CSMD1: variants seen among roughly 807,000 people sequenced by gnomAD.
The protein encoded by CSMD1 is CUB and sushi domain-containing protein 1.
CSMD1 carries 213 observed loss-of-function variants against 417.5 expected under a neutral mutation model. The ratio of observed to expected loss-of-function variants is 0.51; its 90% confidence interval spans 0.46 to 0.57. The LOEUF (loss-of-function observed/expected upper bound fraction) is 0.57. Among genes scored for constraint, CSMD1 ranks in the 20% least tolerant of loss-of-function variants. The pLI is 0.00. For synonymous variants in CSMD1, 2,862 were observed against 1,736.8 expected, an observed-to-expected ratio of 1.65 and a Z score of -16.11; for missense variants, 6,923 against 4,529.7, an observed-to-expected ratio of 1.53 and a Z score of -15.17.
intron 3 of CSMD1, among the ~76,000 whole-genome samples, chr8:4,068,647 G>A (rs1165844866): frequency 6.6e-6 from 1 of 152,032 alleles, no homozygotes; most frequent in Non-Finnish European, 1.5e-5. Flanking sequence ...GGAACTGTGA[G>A]TTTAAGATAA....
intron 10 of CSMD1, among the ~76,000 whole-genome samples, chr8:3,546,776 T>G (rs937929504): frequency 2.0e-5 from 3 of 152,180 alleles, no homozygotes; most frequent in African/African-American, 7.2e-5. Flanking sequence ...TGACATGAAC[T>G]TTTTGAACAG....
chr8:4,708,678 T>A (rs968442396), intron 1 of CSMD1, among the ~76,000 whole-genome samples: 3 of 152,174 alleles, frequency 2.0e-5, no homozygotes, highest in Admixed American at 6.5e-5. Context: ...AGATTCATTT[T>A]TTTTTTTAAG....
At chr8:3,694,505 G>C (rs2624059) in intron 7 of CSMD1, among the ~76,000 whole-genome samples, 126,758 of 151,952 alleles carry the variant, frequency 0.83, 53,065 homozygotes, top group East Asian at 0.99. Flanking sequence ...CATGTGCATA[G>C]AGACAGTCTT....
chr8:4,726,693 G>A (rs1361331436), intron 1 of CSMD1, among the ~76,000 whole-genome samples: 1 of 152,142 alleles, frequency 6.6e-6, no homozygotes, highest in East Asian at 1.9e-4. Context: ...TATTTCATCA[G>A]TTCTAATTTT....
At chr8:4,026,282 G>A (rs116474215) in intron 4 of CSMD1, among the ~76,000 whole-genome samples, 2,452 of 152,222 alleles carry the variant, frequency 0.016, 71 homozygotes, top group African/African-American at 0.057. Flanking sequence ...GCAATTTGAA[G>A]TCATACTACA....
chr8:4,309,470 AAAT>A (rs59943665), intron 3 of CSMD1, among the ~76,000 whole-genome samples: 25,729 of 152,020 alleles, frequency 0.17, 4,267 homozygotes, highest in African/African-American at 0.43. Context: ...GAGAAAAAAT[AAAT>A]ATTAAATGCA....
At chr8:4,915,996 T>A (rs1034241945) in intron 1 of CSMD1, among the ~76,000 whole-genome samples, 2 of 152,136 alleles carry the variant, frequency 1.3e-5, no homozygotes, top group Non-Finnish European at 2.9e-5. Context: ...CTGGTCCAGC[T>A]TGCAAGAGCT....
intron 3 of CSMD1, among the ~76,000 whole-genome samples, chr8:4,248,417 G>C (rs746273831): frequency 2.6e-5 from 4 of 152,126 alleles, no homozygotes; most frequent in African/African-American, 9.7e-5. Flanking sequence ...TATAAAAGAA[G>C]AGAGCCCGTC....
intron 5 of CSMD1, among the ~76,000 whole-genome samples, chr8:3,955,656 G>A (rs1271100958): frequency 2.6e-5 from 4 of 152,040 alleles, no homozygotes; most frequent in African/African-American, 7.3e-5. Flanking sequence ...CTCTTTCACC[G>A]ATTCTAAAAG....
chr8:3,425,859 C>G (rs1013875214), intron 12 of CSMD1, among the ~76,000 whole-genome samples: 1 of 152,048 alleles, frequency 6.6e-6, no homozygotes, highest in African/African-American at 2.4e-5. Flanking sequence ...TAGAATAAAA[C>G]TGATCAAAGA....
intron 10 of CSMD1, among the ~76,000 whole-genome samples, chr8:3,524,711 C>T (rs147805067): frequency 6.6e-6 from 1 of 151,120 alleles, no homozygotes; most frequent in African/African-American, 2.4e-5. Context: ...CACACACAAG[C>T]ACATACATGC....
intron 2 of CSMD1, among the ~76,000 whole-genome samples, chr8:4,624,495 A>C (rs1171618265): frequency 6.6e-6 from 1 of 152,112 alleles, no homozygotes; most frequent in Non-Finnish European, 1.5e-5. Context: ...AGAGGTTGCA[A>C]GCGCTGCTAC....
At chr8:2,945,611 G>A (rs1325608799) in intron 68 of CSMD1, among the ~76,000 whole-genome samples, 1 of 152,146 alleles carries the variant, frequency 6.6e-6, no homozygotes, top group African/African-American at 2.4e-5. Flanking sequence ...AAGAGGCACT[G>A]CAATTTCATT....
chr8:4,433,861 C>G (rs1009302607), intron 2 of CSMD1, among the ~76,000 whole-genome samples: 13 of 152,078 alleles, frequency 8.5e-5, no homozygotes, highest in African/African-American at 3.1e-4. Context: ...GAATCTAAAG[C>G]ACACAGGCAC....
At chr8:4,543,672 A>G (rs964742471) in intron 2 of CSMD1, among the ~76,000 whole-genome samples, 3 of 8,394 alleles carry the variant, frequency 3.6e-4, no homozygotes, top group African/African-American at 1.6e-3. Context: ...TTTAATTTTG[A>G]AAAAAAAAAA....
intron 3 of CSMD1, among the ~76,000 whole-genome samples, chr8:4,115,649 C>G (rs949540662): frequency 8.5e-5 from 13 of 152,198 alleles, no homozygotes; most frequent in African/African-American, 2.6e-4. Flanking sequence ...TTTATATGTG[C>G]TTTGCCCATA....
chr8:4,878,511 T>C (rs566417982), intron 1 of CSMD1, among the ~76,000 whole-genome samples: 9 of 151,528 alleles, frequency 5.9e-5, no homozygotes, highest in African/African-American at 1.2e-4. Flanking sequence ...TGATGATGAT[T>C]TTTATTATTA....
intron 23 of CSMD1, among the ~76,000 whole-genome samples, chr8:3,320,570 T>A (rs1045599358): frequency 5.3e-5 from 8 of 152,200 alleles, no homozygotes; most frequent in African/African-American, 1.9e-4. Context: ...TCCCACCATA[T>A]GTAAGAATTC....
chr8:3,857,036 C>A (rs530072570), intron 5 of CSMD1, among the ~76,000 whole-genome samples: 1 of 151,782 alleles, frequency 6.6e-6, no homozygotes, highest in Admixed American at 6.6e-5. Flanking sequence ...AAATATATAT[C>A]GAGGGCTTCT....
Sources: allele counts gnomAD v4.1 joint callset (sites outside exome capture counted in the v4.1 genomes callset), GRCh38; gene constraint gnomAD v4.1.1; transcripts MANE v1.5; gene names NCBI Gene and HGNC (gene_info 2026-07-23, HGNC 2026-07-21).